The following ACAD11 variants were observed in gnomAD, a reference collection of about 807,000 sequenced individuals.
ACAD11 encodes acyl-Coenzyme A dehydrogenase family, member 11.
Under a neutral mutation model 102.2 loss-of-function variants are expected in ACAD11, and 83 were observed. The ratio of observed to expected loss-of-function variants is 0.81; its 90% CI spans 0.68 to 0.97. The LOEUF (loss-of-function observed/expected upper bound fraction) is 0.97, where lower values mean the gene tolerates loss of function less well. ACAD11 is among the 50% of genes least tolerant of loss of function. ACAD11 has a pLI of 0.00. For synonymous variants in ACAD11, 324 were observed against 319.8 expected (o/e 1.01, Z -0.14); for missense variants, 901 against 951.7 (o/e 0.95, Z 0.70).
intron 9 of ACAD11, 125 bp from the exon 10 acceptor site, chr3:132,619,670 C>G: frequency 3.9e-6 from 2 of 517,862 alleles, no homozygotes; most frequent in Non-Finnish European, 6.7e-6. Context: ...ATTATTAAAC[C>G]AGACACAGAA....
intron 1 of ACAD11, among the ~76,000 whole-genome samples, chr3:132,658,805 A>G (rs1000615417): frequency 6.6e-6 from 1 of 152,182 alleles, no homozygotes; most frequent in African/African-American, 2.4e-5. Flanking sequence ...TGTTGTTGCA[A>G]TTTTTACGCC....
intron 9 of ACAD11, chr3:132,620,516 G>T (rs1312364724): frequency 6.6e-6 from 1 of 152,204 alleles, no homozygotes; most frequent in Non-Finnish European, 1.5e-5. Context: ...GCCACCATTA[G>T]TAAGAGTTAG....
intron 17 of ACAD11, among the ~76,000 whole-genome samples, chr3:132,566,700 A>G (rs1937223305): frequency 6.6e-6 from 1 of 152,188 alleles, no homozygotes; most frequent in Non-Finnish European, 1.5e-5. Context: ...CCAGGAATAA[A>G]GAAGAAATAA....
At chr3:132,608,147 C>T (rs1029390650) in intron 11 of ACAD11, among the ~76,000 whole-genome samples, 12 of 152,162 alleles carry the variant, frequency 7.9e-5, no homozygotes, top group African/African-American at 2.9e-4. Flanking sequence ...AAAGCAAAAA[C>T]TGGTACTAGC....
At chr3:132,613,164 G>A (rs1408358281) in intron 11 of ACAD11, among the ~76,000 whole-genome samples, 1 of 151,538 alleles carries the variant, frequency 6.6e-6, no homozygotes, top group African/African-American at 2.4e-5. Flanking sequence ...CTCATAGGTG[G>A]GAATTGAACA....
At chr3:132,603,722 C>A (rs1938715986) in intron 12 of ACAD11, among the ~76,000 whole-genome samples, 1 of 152,196 alleles carries the variant, frequency 6.6e-6, no homozygotes, top group Non-Finnish European at 1.5e-5. Flanking sequence ...CTGTCTTAAG[C>A]AATTTCTAAT....
intron 9 of ACAD11, among the ~76,000 whole-genome samples, chr3:132,622,674 T>C (rs991717608): frequency 6.6e-6 from 1 of 152,220 alleles, no homozygotes; most frequent in Non-Finnish European, 1.5e-5. Context: ...GAACCCTTCT[T>C]TGGTTCTTAA....
chr3:132,589,019 A>G (rs1937966892), intron 13 of ACAD11, among the ~76,000 whole-genome samples: 1 of 152,156 alleles, frequency 6.6e-6, no homozygotes, highest in South Asian at 2.1e-4. Flanking sequence ...TGATTAAGTG[A>G]TTAAAATGCA....
chr3:132,586,008 T>C (rs952725745), intron 13 of ACAD11, among the ~76,000 whole-genome samples: 10 of 152,172 alleles, frequency 6.6e-5, no homozygotes, highest in African/African-American at 1.9e-4. Context: ...CCCAAAGGAT[T>C]ATAAATCATG....
Position 132,564,943 on chromosome 3 carries a change from C to T in ACAD11, c.2002-3726G>A, listed in dbSNP as rs539836111. ...ATATCTCAGCTGCTGAGGTTCTTCC[C>T]GGCAGCTGAAGAATCTAGTAACCTG... On this transcript the variant is annotated intron_variant, in intron 17 of 19. Coordinates refer to ENST00000264990, the MANE Select transcript of ACAD11 (RefSeq NM_032169.5). Among the ~76,000 whole-genome samples the T allele has an allele frequency of 5.1e-4, 78 of 152,136 alleles. 1 individual carries two copies. The highest frequency in any genetic ancestry group is 1.7e-3 in the African/African-American group (72 of 41,488).
chr3:132,558,894 G>A lies in ACAD11; in HGVS notation c.*77C>T, dbSNP rs912076165. 2 of 1,035,876 alleles carry A rather than the reference G, an allele frequency of 1.9e-6. No individual in the cohort carries two copies. Among genetic ancestry groups the A allele is most frequent in the Non-Finnish European group, 2.9e-6 (2 of 684,436 alleles). 64.2% of individuals were successfully genotyped at this position (1,035,876 alleles called of 1,614,324 possible). ...TGTGCTCAAACTGCTACAAAAATATGAGATTCAAATGTTGGAGCCAATGAA... is the reference window on the plus strand; with the variant it reads ...TGTGCTCAAACTGCTACAAAAATATAAGATTCAAATGTTGGAGCCAATGAA... On this transcript the variant is annotated 3_prime_UTR_variant, in exon 20 of 20. Coordinates refer to ENST00000264990, the MANE Select transcript of ACAD11 (RefSeq NM_032169.5).
At position 132,563,716 on chromosome 3, in the gene ACAD11, T is replaced by G. The variant is rs555931958; in HGVS notation, c.2002-2499A>C. ...TAGGATTTTCTATACAATCACATTG[T>G]CATCTACAAGCAGGCCCAGTTTTAC... On this transcript the variant is annotated intron_variant, in intron 17 of 19. Coordinates refer to ENST00000264990, the MANE Select transcript of ACAD11 (RefSeq NM_032169.5). Among the ~76,000 whole-genome samples, 14 of 152,320 alleles carry G rather than the reference T, an allele frequency of 9.2e-5. No homozygotes were observed. The South Asian group carries it at 2.9e-3, about 32-fold the overall frequency.
chr3:132,617,024 C>G (rs1048020810), intron 11 of ACAD11, among the ~76,000 whole-genome samples: 1 of 152,190 alleles, frequency 6.6e-6, no homozygotes, highest in East Asian at 1.9e-4. Context: ...TCATATACCT[C>G]TTTCTGGTAG....
At chr3:132,597,308 C>T (rs1938354616) in intron 13 of ACAD11, 1 of 152,166 alleles carries the variant, frequency 6.6e-6, no homozygotes, top group African/African-American at 2.4e-5. Flanking sequence ...CTGCTCCTCT[C>T]TGCCGACTAC....
intron 19 of ACAD11, 137 bp from the exon 20 acceptor site, chr3:132,559,222 A>G (rs1936974565): frequency 1.4e-6 from 1 of 690,834 alleles, no homozygotes; most frequent in Admixed American, 3.0e-5. Context: ...GAAAAAGGGT[A>G]CCAGGAAAAT....
intron 5 of ACAD11, among the ~76,000 whole-genome samples, chr3:132,636,568 T>A (rs1008150325): frequency 4.6e-5 from 7 of 152,188 alleles, no homozygotes; most frequent in African/African-American, 1.7e-4. Flanking sequence ...CATAATTGAA[T>A]GTGATAGGAC....
intron 11 of ACAD11, among the ~76,000 whole-genome samples, chr3:132,609,536 A>C (rs1417662780): frequency 6.6e-6 from 1 of 152,202 alleles, no homozygotes; most frequent in Non-Finnish European, 1.5e-5. Flanking sequence ...TCTAGAAGAA[A>C]TGGATAAACT....
chr3:132,583,370 T>A (rs1163330510), intron 13 of ACAD11, among the ~76,000 whole-genome samples: 1 of 152,206 alleles, frequency 6.6e-6, no homozygotes, highest in Non-Finnish European at 1.5e-5. Context: ...GATGGTAGTT[T>A]GTATTTCTGT....
intron 13 of ACAD11, among the ~76,000 whole-genome samples, chr3:132,581,672 AC>A (rs1261700177): frequency 6.6e-6 from 1 of 152,046 alleles, no homozygotes; most frequent in East Asian, 1.9e-4. Context: ...GTTGAAATGC[AC>A]AAGTGAACTG....
Sources: gnomAD v4.1 joint callset for allele counts (sites outside exome capture counted in the v4.1 genomes callset) on GRCh38, gnomAD v4.1.1 for gene constraint, MANE v1.5 for transcripts, NCBI Gene and HGNC (gene_info 2026-07-23, HGNC 2026-07-21) for gene names.